TMEM44: variants seen among roughly 807,000 people sequenced by gnomAD.
TMEM44 encodes the protein transmembrane protein 44.
TMEM44 carries 43 observed loss-of-function variants against 47.8 expected under a neutral mutation model. The observed-to-expected ratio is 0.90, with a 90% CI of 0.70 to 1.16. The LOEUF is 1.16. Ranked by LOEUF, TMEM44 falls within the 50% of genes most tolerant of loss-of-function variation. The pLI is 0.00. For synonymous variants in TMEM44, 277 were observed against 238.8 expected, an observed-to-expected ratio of 1.16 and a Z score of -1.48; for missense variants, 568 against 555.2, an observed-to-expected ratio of 1.02 and a Z score of -0.23.
chr3:194,591,950 G>T (rs1442005664), intron 9 of TMEM44, among the ~76,000 whole-genome samples: 1 of 152,126 alleles, frequency 6.6e-6, no homozygotes, highest in Admixed American at 6.5e-5. Context: ...CAGGCGTGGT[G>T]GCTCACGCCT....
At chr3:194,616,192 C>T (rs998789961) in intron 6 of TMEM44, among the ~76,000 whole-genome samples, 2 of 152,076 alleles carry the variant, frequency 1.3e-5, no homozygotes, top group East Asian at 1.9e-4. Flanking sequence ...GCTGGGATTA[C>T]GGGCACCTGC....
chr3:194,604,902 A>C (rs974790915), intron 8 of TMEM44, among the ~76,000 whole-genome samples: 11 of 152,226 alleles, frequency 7.2e-5, no homozygotes, highest in Non-Finnish European at 1.5e-4. Flanking sequence ...GCAGTAAATT[A>C]CACTGTACAT....
chr3:194,628,420 G>A lies in TMEM44; in HGVS notation c.227C>T (p.Thr76Ile). 1.2e-6 allele frequency: 2 copies of A among 1,612,978 alleles called. No homozygotes were observed. Among genetic ancestry groups the A allele is most frequent in the Non-Finnish European group, 1.7e-6 (2 of 1,179,488 alleles). The change falls in exon 2 of 10, where the codon ACC (threonine) becomes ATC (isoleucine). Residue 76 changes from threonine to isoleucine, a missense_variant. By Grantham distance (89) the Thr-to-Ile change is moderately conservative (BLOSUM62 -1). Coordinates refer to ENST00000347147, the MANE Select transcript of TMEM44 (RefSeq NM_001011655.3). ...CTGTCTGGCCAGAAGAGCCCCGACG[G>A]TGTCACACAGACTGGTCAGGAGGCA... ...ACCLLTSLCDTVGALLARQLT... is the reference protein window; with the variant it reads ...ACCLLTSLCDIVGALLARQLT...
intron 5 of TMEM44, among the ~76,000 whole-genome samples, chr3:194,620,839 C>G (rs1433757650): frequency 2.0e-5 from 3 of 151,718 alleles, no homozygotes; most frequent in Non-Finnish European, 4.4e-5. Flanking sequence ...CCAGCCTGGC[C>G]AACATGGTGC....
At chr3:194,593,421 A>G (rs1052821930) in intron 9 of TMEM44, among the ~76,000 whole-genome samples, 16 of 152,160 alleles carry the variant, frequency 1.1e-4, no homozygotes, top group African/African-American at 3.9e-4. Context: ...TATTAACCAC[A>G]TGGCTGAGAT....
At chr3:194,618,462 T>C (rs1222873361) in intron 5 of TMEM44, among the ~76,000 whole-genome samples, 4 of 149,276 alleles carry the variant, frequency 2.7e-5, no homozygotes, top group Admixed American at 6.7e-5. Context: ...TTAGATGAGT[T>C]ATATATAAAC....
intron 2 of TMEM44, 49 bp downstream of exon 2, chr3:194,628,334 C>A (rs1370719900): frequency 2.5e-6 from 4 of 1,577,868 alleles, no homozygotes; most frequent in African/African-American, 1.4e-5. Context: ...AAAGGCCAGG[C>A]CTCCCTTAGT....
chr3:194,602,729 C>G (rs1181838300), intron 9 of TMEM44, among the ~76,000 whole-genome samples: 1 of 152,096 alleles, frequency 6.6e-6, no homozygotes, highest in Non-Finnish European at 1.5e-5. Context: ...AGGTAGTGCT[C>G]CCGGTGAGGG....
In TMEM44 at chr3:194,623,558, G is replaced by C. The variant is rs770085118; in HGVS notation, c.496C>G (p.Gln166Glu). The change falls in exon 4 of 10, where the codon CAG becomes GAG. Residue 166 changes from glutamine to glutamate, a missense_variant. By Grantham distance (29) the Gln-to-Glu change is conservative (BLOSUM62 2). Coordinates refer to ENST00000347147, the MANE Select transcript of TMEM44 (RefSeq NM_001011655.3). ...PKASATIRGP[Q>E]RRLLASLLQE... ...AGCAGGCTCGCTAGCAGCCTCCGCT[G>C]TGGCCCCCGGATGGTGGCTGAAGCC... 2.5e-6 allele frequency: 4 copies of C among 1,606,466 alleles called. No homozygotes were observed.
chr3:194,609,321 C>T (rs1046574450), intron 8 of TMEM44, among the ~76,000 whole-genome samples: 1 of 151,868 alleles, frequency 6.6e-6, no homozygotes, highest in Non-Finnish European at 1.5e-5. Flanking sequence ...GACTGCAGGG[C>T]CCACCAGGAG....
intron 9 of TMEM44, among the ~76,000 whole-genome samples, chr3:194,594,126 T>TCTAC (rs1228297688): frequency 7.8e-6 from 1 of 128,240 alleles, no homozygotes; most frequent in Non-Finnish European, 1.7e-5. Context: ...TTTCTATCTA[T>TCTAC]CTATCTATCT....
chr3:194,617,125 G>C lies in TMEM44; in HGVS notation c.757C>G (p.Leu253Val). ...GCGAGGTCCAGTGCCGCACGGCCGA[G>C]GGAGGTCAGGAACCAGGGTGTGGCC... ...LRATPWFLTS[L>V]GRAALDLAII... is the part of the protein sequence containing the mutation. Residue 253 changes from leucine (L) to valine (V), a missense_variant, in exon 6 of 10, where the codon CTC becomes GTC. By Grantham distance (32) the Leu-to-Val change is conservative (BLOSUM62 1). Coordinates refer to ENST00000347147, the MANE Select transcript of TMEM44 (RefSeq NM_001011655.3). 1 of 1,557,154 alleles carries C rather than the reference G, an allele frequency of 6.4e-7. No homozygotes were observed. Among genetic ancestry groups the C allele is most frequent in the African/African-American group, 1.4e-5 (1 of 73,584 alleles).
intron 9 of TMEM44, among the ~76,000 whole-genome samples, chr3:194,595,837 G>A (rs576683944): frequency 1.2e-4 from 18 of 152,168 alleles, no homozygotes; most frequent in African/African-American, 4.1e-4. Flanking sequence ...ATGTTGGTCA[G>A]GCTGGTCTCA....
At chr3:194,614,765 C>G (rs1339990954) in intron 7 of TMEM44, among the ~76,000 whole-genome samples, 2 of 152,176 alleles carry the variant, frequency 1.3e-5, no homozygotes, top group African/African-American at 4.8e-5. Flanking sequence ...AACTTAACTA[C>G]CAGTAAGTAA....
rs573848118 is a variant in TMEM44 at position 194,606,906 on chromosome 3, T to C, written c.1018-2461A>G. On this transcript the variant is annotated intron_variant, in intron 8 of 9. Coordinates refer to ENST00000347147, the MANE Select transcript of TMEM44 (RefSeq NM_001011655.3). ...AGGTGTGGGTCACAGTGAGCCGTGA[T>C]TGTGCCACTGCACTCCAGCCTGGGC... is the stretch of plus-strand genomic sequence containing the variant. Among the ~76,000 whole-genome samples the C allele has an allele frequency of 1.4e-4, 19 of 137,692 alleles. No individual in the cohort carries two copies. In the South Asian group the frequency reaches 3.1e-3, roughly 22 times the overall value. 90.3% of individuals were successfully genotyped at this position (137,692 alleles called of 152,430 possible). A position where few individuals can be genotyped will look rare whatever the true frequency, so the allele number is the denominator to read the frequency against.
chr3:194,617,731 G>A (rs962724603), intron 5 of TMEM44: 7 of 702,738 alleles, frequency 1.0e-5, no homozygotes, highest in East Asian at 2.7e-5. Flanking sequence ...ATTTGTCCCC[G>A]CCAGATCTCA....
At chr3:194,623,503 T>G in intron 4 of TMEM44, 26 bp downstream of exon 4, 1 of 1,560,996 alleles carries the variant, frequency 6.4e-7, no homozygotes, top group Non-Finnish European at 8.6e-7. Context: ...GTACCCCGAG[T>G]CCTCCCCACG....
chr3:194,602,164 C>G (rs1333485062), intron 9 of TMEM44, among the ~76,000 whole-genome samples: 1 of 152,206 alleles, frequency 6.6e-6, no homozygotes, highest in Non-Finnish European at 1.5e-5. Flanking sequence ...GAATATGAAC[C>G]CAAAGGATGC....
At chr3:194,617,388 A>G (rs1716029648) in intron 5 of TMEM44, 119 bp from the exon 6 acceptor site, 1 of 1,165,044 alleles carries the variant, frequency 8.6e-7, no homozygotes, top group Admixed American at 3.0e-5. Context: ...CTCCAGGGCA[A>G]TGCTTCTGTT....
Sources: allele counts gnomAD v4.1 joint callset (sites outside exome capture counted in the v4.1 genomes callset), GRCh38; gene constraint gnomAD v4.1.1; transcripts MANE v1.5; gene names NCBI Gene and HGNC (gene_info 2026-07-23, HGNC 2026-07-21).